The following GON4L variants were observed in gnomAD, a reference collection of about 807,000 sequenced individuals.
GON4L encodes the protein gon-4 like.
GON4L carries 87 observed loss-of-function variants against 211.8 expected under a neutral mutation model. The observed-to-expected ratio is 0.41, with a 90% CI of 0.35 to 0.49. The LOEUF is 0.49. Among genes scored for constraint, GON4L ranks in the 20% least tolerant of loss-of-function variants. The pLI is 0.15. For missense variants in GON4L, 2,155 were observed against 2,659.5 expected, an observed-to-expected ratio of 0.81 and a Z score of 4.17; for synonymous variants, 875 against 962.6, an observed-to-expected ratio of 0.91 and a Z score of 1.68.
chr1:155,818,870 T>C (rs1301164980), intron 6 of GON4L, among the ~76,000 whole-genome samples: 1 of 151,850 alleles, frequency 6.6e-6, no homozygotes, highest in East Asian at 1.9e-4. Context: ...TGGTGGTGCA[T>C]GCCTATAATC....
chr1:155,816,773 T>TTAAA (rs377228820), intron 6 of GON4L, among the ~76,000 whole-genome samples: 93 of 78,088 alleles, frequency 1.2e-3, no homozygotes, highest in Admixed American at 1.4e-3. Flanking sequence ...TTTTTTTTCT[T>TTAAA]AAAAAAAAAA....
At chr1:155,797,349 A>G (rs1168130880) in intron 11 of GON4L, among the ~76,000 whole-genome samples, 1 of 151,838 alleles carries the variant, frequency 6.6e-6, no homozygotes, top group Non-Finnish European at 1.5e-5. Flanking sequence ...TCCTGACCTC[A>G]GGTGATCCAC....
intron 2 of GON4L, among the ~76,000 whole-genome samples, chr1:155,837,678 CTCCCTCCTT>C (rs1235463952): frequency 1.3e-5 from 2 of 152,144 alleles, no homozygotes; most frequent in East Asian, 3.9e-4. Context: ...TCCCCCTACT[CTCCCTCCTT>C]TCCCTCTTTT....
At chr1:155,789,456 C>T (rs537691692) in intron 12 of GON4L, among the ~76,000 whole-genome samples, 67 of 151,878 alleles carry the variant, frequency 4.4e-4, no homozygotes, top group African/African-American at 1.6e-3. Flanking sequence ...ATGGTGAAAC[C>T]CCGTCTCTAC....
At chr1:155,821,286 A>T (rs997641981) in intron 5 of GON4L, among the ~76,000 whole-genome samples, 188 bp downstream of exon 5, 3 of 151,218 alleles carry the variant, frequency 2.0e-5, no homozygotes, top group Admixed American at 6.6e-5. Flanking sequence ...AATAATAATA[A>T]AATAATAATA....
At chr1:155,780,250 G>T (rs781367651) in intron 14 of GON4L, among the ~76,000 whole-genome samples, 5 of 152,010 alleles carry the variant, frequency 3.3e-5, no homozygotes, top group Non-Finnish European at 7.4e-5. Flanking sequence ...GAAGATTTTT[G>T]ACTTGTTAAG....
intron 2 of GON4L, chr1:155,846,284 A>C (rs1671229765): frequency 5.8e-6 from 1 of 171,482 alleles, no homozygotes; most frequent in Admixed American, 6.0e-5. Context: ...GCACTTTGGG[A>C]GGCCGAGGCG....
intron 2 of GON4L, among the ~76,000 whole-genome samples, chr1:155,850,950 G>C (rs1015168350): frequency 6.6e-6 from 1 of 151,492 alleles, no homozygotes; most frequent in Non-Finnish European, 1.5e-5. Flanking sequence ...CTAGCTACTT[G>C]GGAGGCTGAG....
At chr1:155,812,393 TA>T (rs1303594666) in intron 10 of GON4L, among the ~76,000 whole-genome samples, 1 of 152,044 alleles carries the variant, frequency 6.6e-6, no homozygotes, top group Non-Finnish European at 1.5e-5. Context: ...TGTTCCAGAT[TA>T]AAGGAGACTA....
Position 155,763,524 on chromosome 1 carries a change from C to G in GON4L, c.4514G>C (p.Arg1505Pro), listed in dbSNP as rs367656870. ...EKLTWLASERRMSQEGESEEE... is the reference protein window; with the variant it reads ...EKLTWLASERPMSQEGESEEE... ...TTCAGACTCACCCTCCTGACTCATG[C>G]GCCTTTCAGATGCCAGCCAAGTCAG... The change falls in exon 22 of 32, where the codon CGC (arginine) becomes CCC (proline). Residue 1505 changes from arginine to proline, a missense_variant. Physicochemically the swap from Arg to Pro is moderately radical, Grantham distance 103. Coordinates refer to ENST00000368331, the MANE Select transcript of GON4L (RefSeq NM_001282860.2). 4.5e-6 allele frequency: 7 copies of G among 1,549,228 alleles called. No individual in the cohort carries two copies. Among genetic ancestry groups the G allele is most frequent in the Non-Finnish European group, 5.2e-6 (6 of 1,146,718 alleles).
intron 10 of GON4L, among the ~76,000 whole-genome samples, chr1:155,811,297 C>G (rs949094845): frequency 2.3e-5 from 3 of 131,666 alleles, no homozygotes; most frequent in African/African-American, 8.5e-5. Flanking sequence ...GAGGCTGAGG[C>G]AGTAGAATGA....
At chr1:155,804,839 C>A in intron 11 of GON4L, 110 bp downstream of exon 11, 2 of 804,544 alleles carry the variant, frequency 2.5e-6, no homozygotes, top group Non-Finnish European at 4.4e-6. Flanking sequence ...CAGTTAAATA[C>A]AAATTAAATC....
In GON4L at chr1:155,789,684, C is replaced by T. The variant is rs575631325; in HGVS notation, c.1748-4310G>A. On this transcript the variant is annotated intron_variant, in intron 12 of 31. Coordinates refer to ENST00000368331, the MANE Select transcript of GON4L (RefSeq NM_001282860.2). ...TTGAAAACTAAGATGCATCCACAGA[C>T]GGACAGGGAGATGGACAGCTGCATG... Among the ~76,000 whole-genome samples the T allele has an allele frequency of 7.9e-5, 12 of 152,022 alleles. No homozygotes were observed. The East Asian group carries it at 9.7e-4, about 12-fold the overall frequency.
chr1:155,778,712 G>A (rs1473255316), intron 14 of GON4L, among the ~76,000 whole-genome samples: 2 of 151,968 alleles, frequency 1.3e-5, no homozygotes, highest in South Asian at 2.1e-4. Context: ...CCCTTCCCCC[G>A]CTCCCCCAAC....
At chr1:155,769,794 C>T (rs1306875673) in intron 19 of GON4L, among the ~76,000 whole-genome samples, 1 of 151,924 alleles carries the variant, frequency 6.6e-6, no homozygotes, top group African/African-American at 2.4e-5. Flanking sequence ...AAAATTGTGA[C>T]ATAATTACTA....
chr1:155,758,792 T>C (rs1268735173), intron 24 of GON4L, among the ~76,000 whole-genome samples: 1 of 152,158 alleles, frequency 6.6e-6, no homozygotes. Context: ...GGCAGGAGAA[T>C]CACTTGAACC....
intron 11 of GON4L, among the ~76,000 whole-genome samples, chr1:155,796,854 T>G (rs1233521061): frequency 1.3e-5 from 2 of 151,870 alleles, no homozygotes; most frequent in Non-Finnish European, 2.9e-5. Context: ...AAAAAGAGAA[T>G]ACCTAAATTT....
chr1:155,748,447 C>A, downstream of GON4L: 3 of 1,610,662 alleles, frequency 1.9e-6, no homozygotes, highest in Non-Finnish European at 2.5e-6. Flanking sequence ...CAGCCCTGGA[C>A]ACAGTCACTG....
At position 155,807,703 on chromosome 1, in the gene GON4L, CAAAAAA is replaced by C. The variant is rs61248477; in HGVS notation, c.1453-2568_1453-2563del. Among the ~76,000 whole-genome samples, 34 of 52,912 alleles carry C rather than the reference CAAAAAA, an allele frequency of 6.4e-4. No homozygotes were observed. The East Asian group carries it at 0.017, about 27-fold the overall frequency. 34.7% of individuals were successfully genotyped at this position (52,912 alleles called of 152,430 possible). On this transcript the variant is annotated intron_variant, in intron 10 of 31. Transcript: ENST00000368331. The stretch of plus-strand genomic sequence containing the variant: ...TGGGTGACAGAGCCAGACTCCGTCT[CAAAAAA>C]AAAAAAAAAAAAAAAAGAAAATCAG...
Sources: allele counts gnomAD v4.1 joint callset (sites outside exome capture counted in the v4.1 genomes callset), GRCh38; gene constraint gnomAD v4.1.1; transcripts MANE v1.5; gene names NCBI Gene and HGNC (gene_info 2026-07-23, HGNC 2026-07-21).